PCDHA3: variants seen among roughly 807,000 people sequenced by gnomAD.
PCDHA3 encodes the protein protocadherin alpha-3.
Under a neutral mutation model 62.2 loss-of-function variants are expected in PCDHA3, and 41 were observed. That is an observed-to-expected ratio of 0.66 (90% CI 0.51 to 0.86). The LOEUF is 0.86. Among genes scored for constraint, PCDHA3 ranks in the 40% least tolerant of loss-of-function variants. The pLI, the probability that PCDHA3 is intolerant of heterozygous loss-of-function variation, is 0.00. For synonymous variants in PCDHA3, 640 were observed against 555.4 expected (o/e 1.15, Z -2.14); for missense variants, 1,304 against 1,241.2 (o/e 1.05, Z -0.76).
intron 1 of PCDHA3, chr5:140,875,498 C>A (rs782226561): frequency 1.9e-6 from 3 of 1,613,292 alleles, no homozygotes; most frequent in East Asian, 4.5e-5. Flanking sequence ...CCAAGAGGCC[C>A]GGGATCCCAG....
In PCDHA3 at chr5:140,843,928, G is replaced by A. The variant is rs1028169690; in HGVS notation, c.2394+40337G>A. 7.7e-5 allele frequency: 45 copies of A among 584,434 alleles called. 4 individuals carry two copies. The highest frequency in any genetic ancestry group is 1.3e-4 in the Non-Finnish European group (44 of 335,490). The allele number at this position is 584,434 out of a possible 1,614,324, so 36.2% of individuals were successfully genotyped here. ...AAGTTGGGTCTATCTTGAAACTCAA[G>A]TTATGGTTGGATGATATCCATTTTT... On this transcript the variant is annotated intron_variant, in intron 1 of 3. Coordinates refer to ENST00000522353, the MANE Select transcript of PCDHA3 (RefSeq NM_018906.3).
At chr5:140,823,267 G>T (rs1554129226) in intron 1 of PCDHA3, 8 of 1,612,742 alleles carry the variant, frequency 5.0e-6, no homozygotes, top group South Asian at 1.1e-5. Flanking sequence ...GGAGCGGCGG[G>T]TGGGCGAGCG....
rs2153432469 is a variant in PCDHA3, at chr5:140,890,949, A to C, written c.2394+87358A>C. On this transcript the variant is annotated intron_variant, in intron 1 of 3. Transcript: ENST00000522353. The stretch of plus-strand genomic sequence containing the variant: ...CTTTAGTCCAAAGATGCTGGTGAGG[A>C]ATGATTTCAGGTTTTGTTTTTCTGA... 2.0e-5 allele frequency among the ~76,000 whole-genome samples: 3 copies of C among 152,248 alleles called. No individual in the cohort carries two copies. The South Asian group carries it at 6.2e-4, about 32-fold the overall frequency.
At chr5:140,833,483 A>G (rs1195762911) in intron 1 of PCDHA3, among the ~76,000 whole-genome samples, 2 of 152,204 alleles carry the variant, frequency 1.3e-5, no homozygotes, top group Non-Finnish European at 2.9e-5. Flanking sequence ...AAATAATACA[A>G]ATCATATTTG....
intron 1 of PCDHA3, among the ~76,000 whole-genome samples, chr5:140,887,392 G>A (rs1484199271): frequency 1.3e-5 from 2 of 152,024 alleles, no homozygotes; most frequent in African/African-American, 2.4e-5. Context: ...CACCGCGCCC[G>A]GCTCTTTATC....
chr5:140,834,371 C>T (rs367564168), intron 1 of PCDHA3: 1 of 1,557,940 alleles, frequency 6.4e-7, no homozygotes, highest in Non-Finnish European at 8.7e-7. Context: ...GAAAAACAAG[C>T]CAATAATTTG....
In PCDHA3 at chr5:140,801,179, T is replaced by C. The variant is rs782622676; in HGVS notation, c.-19T>C. 1 of 1,571,716 alleles carries C rather than the reference T, an allele frequency of 6.4e-7. No homozygotes were observed. Among genetic ancestry groups the C allele is most frequent in the Non-Finnish European group, 8.6e-7 (1 of 1,161,002 alleles). Reference sequence around the variant, plus strand: ...TTGGATCAATGTAAAGGCAATCTAATATTTGGAAAATACTTGCAATGTTGT... The same window carrying C: ...TTGGATCAATGTAAAGGCAATCTAACATTTGGAAAATACTTGCAATGTTGT... On this transcript the variant is annotated 5_prime_UTR_variant, in exon 1 of 4. Coordinates refer to ENST00000522353, the MANE Select transcript of PCDHA3 (RefSeq NM_018906.3).
chr5:140,885,936 T>G (rs994325798), intron 1 of PCDHA3, among the ~76,000 whole-genome samples: 5 of 152,198 alleles, frequency 3.3e-5, no homozygotes, highest in Admixed American at 6.5e-5. Context: ...ATCTATTTTT[T>G]GACATTTTTA....
chr5:140,824,313 A>G (rs2150134040), intron 1 of PCDHA3: 2 of 757,082 alleles, frequency 2.6e-6, no homozygotes, highest in Middle Eastern at 4.8e-4. Flanking sequence ...TAATAGATTC[A>G]TCAGCTTTCT....
chr5:140,809,242 C>T (rs782495070), intron 1 of PCDHA3: 2 of 1,614,092 alleles, frequency 1.2e-6, no homozygotes, highest in East Asian at 2.2e-5. Flanking sequence ...CGTTGGTGGG[C>T]GCTGTGGGTC....
chr5:140,871,371 G>A (rs948553844), intron 1 of PCDHA3: 1 of 1,614,202 alleles, frequency 6.2e-7, no homozygotes, highest in Non-Finnish European at 8.5e-7. Context: ...GGCGGCAGAG[G>A]GTGTGCTCTG....
Position 140,869,430 on chromosome 5 carries a change from C to A in PCDHA3, c.2394+65839C>A, listed in dbSNP as rs73793507. On this transcript the variant is annotated intron_variant, in intron 1 of 3. Transcript: ENST00000522353. ...AGTGCAGCATCCACCTGGAGGTGATCGTGGACAGGCCGCTGCAGGTTTTCC... is the reference window on the plus strand; with the variant it reads ...AGTGCAGCATCCACCTGGAGGTGATAGTGGACAGGCCGCTGCAGGTTTTCC... 7.1e-4 allele frequency: 1,143 copies of A among 1,614,154 alleles called. 9 individuals are homozygous for A. In the African/African-American group the frequency reaches 0.013, roughly 18 times the overall value.
At chr5:140,994,636 T>C (rs1243732393) in intron 3 of PCDHA3, among the ~76,000 whole-genome samples, 1 of 151,996 alleles carries the variant, frequency 6.6e-6, no homozygotes, top group Admixed American at 6.6e-5. Flanking sequence ...ACCTGGAAGG[T>C]GGAGGTTGCA....
intron 1 of PCDHA3, among the ~76,000 whole-genome samples, chr5:140,964,622 T>A (rs1435749865): frequency 6.6e-6 from 1 of 152,048 alleles, no homozygotes; most frequent in African/African-American, 2.4e-5. Flanking sequence ...ATTCCACTTA[T>A]AAGCCATTTA....
chr5:140,983,228 A>G (rs1012242202), intron 3 of PCDHA3, among the ~76,000 whole-genome samples: 1 of 152,240 alleles, frequency 6.6e-6, no homozygotes, highest in South Asian at 2.1e-4. Flanking sequence ...CCAAACTTTC[A>G]GGAAAGAGAA....
chr5:140,909,771 C>T (rs907087409), intron 1 of PCDHA3, among the ~76,000 whole-genome samples: 49 of 152,200 alleles, frequency 3.2e-4, no homozygotes, highest in African/African-American at 1.1e-3. Flanking sequence ...TCCAGGGACC[C>T]ACTGGACCCA....
At chr5:141,004,168 C>T (rs2098156227) in intron 3 of PCDHA3, among the ~76,000 whole-genome samples, 1 of 152,226 alleles carries the variant, frequency 6.6e-6, no homozygotes, top group Admixed American at 6.5e-5. Context: ...GCAAAGCCAG[C>T]CAAGTGTCTT....
Position 140,803,364 on chromosome 5 carries a change from T to A in PCDHA3, c.2167T>A (p.Cys723Ser). ...LTLLLYTALR[C>S]SAPPTEGDCG... The stretch of plus-strand genomic sequence containing the variant: ...ACTGCTGCTATATACTGCTCTGCGG[T>A]GCTCCGCGCCGCCAACCGAAGGCGA... Residue 723 changes from cysteine to serine, a missense_variant, in exon 1 of 4, where the codon TGC becomes AGC. Coordinates refer to ENST00000522353, the MANE Select transcript of PCDHA3 (RefSeq NM_018906.3). The A allele has an allele frequency of 6.2e-7, 1 of 1,614,186 alleles. No individual in the cohort carries two copies. The highest frequency in any genetic ancestry group is 1.3e-5 in the African/African-American group (1 of 75,074).
intron 1 of PCDHA3, chr5:140,862,242 A>C (rs1297106167): frequency 4.7e-6 from 1 of 212,242 alleles, no homozygotes; most frequent in Non-Finnish European, 9.5e-6. Flanking sequence ...CATCAATGAT[A>C]GTGTTCCAGA....
Sources: gnomAD v4.1 joint callset for allele counts (sites outside exome capture counted in the v4.1 genomes callset) on GRCh38, gnomAD v4.1.1 for gene constraint, MANE v1.5 for transcripts, NCBI Gene and HGNC (gene_info 2026-07-23, HGNC 2026-07-21) for gene names.